Variants in ADARB2 observed in about 807,000 individuals in gnomAD.
ADARB2 encodes the protein inactive double-stranded RNA-specific editase B2.
A neutral mutation model predicts 62.2 loss-of-function variants in ADARB2; 25 were observed. That is an observed-to-expected ratio of 0.40 (90% CI 0.29 to 0.56). ADARB2 has a LOEUF of 0.56. Ranked by LOEUF, ADARB2 falls within the 20% of genes least tolerant of loss-of-function variation. The pLI is 0.43. For missense variants in ADARB2, 1,071 were observed against 1,077.4 expected (o/e 0.99, Z 0.08); for synonymous variants, 572 against 500.8 (o/e 1.14, Z -1.90).
chr10:1,448,904 A>T (rs1356644675), intron 1 of ADARB2, among the ~76,000 whole-genome samples: 2 of 152,064 alleles, frequency 1.3e-5, no homozygotes, highest in African/African-American at 2.4e-5. Context: ...CATGACTGAC[A>T]TCTCAGGGGT....
Position 1,183,246 on chromosome 10 carries a change from C to T in ADARB2, c.2167G>A (p.Gly723Ser), listed in dbSNP as rs1333793566. The T allele has an allele frequency of 1.2e-6, 2 of 1,613,876 alleles. No individual in the cohort carries two copies. The highest frequency in any genetic ancestry group is 3.3e-5 in the Admixed American group (2 of 60,010). The part of the protein sequence containing the change: ...LFKAFQKAGL[G>S]TWVRKPPEQQ... ...TCCGGTGGTTTCCTCACCCAGGTGC[C>T]CAGGCCAGCCTTCTGAAAGGCCTTG... The change falls in exon 10 of 10, where the codon GGC (glycine) becomes AGC (serine). Residue 723 changes from glycine (G) to serine (S), a missense_variant. Transcript: ENST00000381312.
intron 4 of ADARB2, among the ~76,000 whole-genome samples, chr10:1,261,399 A>G (rs1831134898): frequency 6.7e-6 from 1 of 148,190 alleles, no homozygotes; most frequent in South Asian, 2.1e-4. Context: ...TTCGCAACCT[A>G]CTCATCTGAC....
chr10:1,251,773 A>AGCCC (rs1230212952), intron 4 of ADARB2, among the ~76,000 whole-genome samples: 3 of 152,064 alleles, frequency 2.0e-5, no homozygotes, highest in African/African-American at 7.2e-5. Flanking sequence ...TCATGAATGG[A>AGCCC]TTAATACCCC....
At chr10:1,350,492 T>G (rs1416009075) in intron 3 of ADARB2, among the ~76,000 whole-genome samples, 1 of 152,156 alleles carries the variant, frequency 6.6e-6, no homozygotes, top group Non-Finnish European at 1.5e-5. Flanking sequence ...TGGTCTGACT[T>G]ACAGTTTCGT....
chr10:1,304,755 A>G (rs2131819459), intron 3 of ADARB2, among the ~76,000 whole-genome samples: 1 of 148,558 alleles, frequency 6.7e-6, no homozygotes, highest in Admixed American at 6.8e-5. Flanking sequence ...TGGAAACTGA[A>G]CAACCTGCTC....
chr10:1,244,672 C>T (rs766126533), intron 4 of ADARB2, among the ~76,000 whole-genome samples: 60 of 152,128 alleles, frequency 3.9e-4, no homozygotes, highest in Non-Finnish European at 6.2e-4. Context: ...CGGTCAGAAA[C>T]GGCTGCAGCA....
In ADARB2 at chr10:1,200,000, G is replaced by T. The variant is rs766957726; in HGVS notation, c.1830C>A (p.Pro610=). ...GAGGCCGGTTGTGCCGGTAGGAGGC[G>T]GGCAGCTGGCCGACACCCTCCATGC... ...SHRMEGVGQL[P]ASYRHNRPLL... The change falls in exon 8 of 10, where the codon CCC becomes CCA. Residue 610 remains proline, a synonymous_variant. Coordinates refer to ENST00000381312, the MANE Select transcript of ADARB2 (RefSeq NM_018702.4). 2 of 1,575,430 alleles carry T rather than the reference G, an allele frequency of 1.3e-6. No homozygotes were observed. The highest frequency in any genetic ancestry group is 1.3e-5 in the African/African-American group (1 of 74,474).
At chr10:1,730,014 T>C (rs1483741957) in intron 1 of ADARB2, among the ~76,000 whole-genome samples, 1 of 152,242 alleles carries the variant, frequency 6.6e-6, no homozygotes, top group Non-Finnish European at 1.5e-5. Context: ...GTTAAGGGGT[T>C]TAAAGGAATT....
At chr10:1,674,690 C>CGGA (rs1309193217) in intron 1 of ADARB2, among the ~76,000 whole-genome samples, 1 of 152,052 alleles carries the variant, frequency 6.6e-6, no homozygotes, top group East Asian at 1.9e-4. Context: ...TGACCGGTCC[C>CGGA]GGAGGTCACC....
chr10:1,433,362 C>T (rs1303291178), intron 1 of ADARB2, among the ~76,000 whole-genome samples: 4 of 152,110 alleles, frequency 2.6e-5, no homozygotes, highest in South Asian at 2.1e-4. Context: ...GTATGGTTTG[C>T]TCTGTGACTG....
chr10:1,380,944 C>T (rs1832477458), intron 1 of ADARB2, among the ~76,000 whole-genome samples: 1 of 152,164 alleles, frequency 6.6e-6, no homozygotes, highest in African/African-American at 2.4e-5. Context: ...CAGCCAAACA[C>T]TCACAAAAAT....
At chr10:1,534,021 T>G (rs1291947676) in intron 1 of ADARB2, among the ~76,000 whole-genome samples, 2 of 151,430 alleles carry the variant, frequency 1.3e-5, no homozygotes, top group African/African-American at 2.4e-5. Flanking sequence ...TTTTGATGAC[T>G]TTGATGGGGG....
At chr10:1,217,205 A>G in intron 6 of ADARB2, 86 bp from the exon 7 acceptor site, 1 of 1,308,024 alleles carries the variant, frequency 7.6e-7, no homozygotes, top group South Asian at 1.5e-5. Flanking sequence ...ACTGCAACAG[A>G]GGTCAAAGGG....
chr10:1,183,351 T>C lies in ADARB2; in HGVS notation c.2062A>G (p.Ser688Gly), dbSNP rs781768263. 6.2e-7 allele frequency: 1 copy of C among 1,613,308 alleles called. No individual in the cohort carries two copies. Among genetic ancestry groups the C allele is most frequent in the Non-Finnish European group, 8.5e-7 (1 of 1,179,312 alleles). ...LYGRLSTRTPSPGDTPSMYCE... is the reference protein window; with the variant it reads ...LYGRLSTRTPGPGDTPSMYCE... ...TACATGGAGGGCGTGTCTCCAGGGC[T>C]GGGTGTCCGTGTGCTCAGCTGCGGA... The change falls in exon 10 of 10, where the codon AGC becomes GGC. Residue 688 changes from serine (S) to glycine (G), a missense_variant. Coordinates refer to ENST00000381312, the MANE Select transcript of ADARB2 (RefSeq NM_018702.4).
At chr10:1,356,607 C>G (rs1832198309) in intron 3 of ADARB2, among the ~76,000 whole-genome samples, 1 of 152,192 alleles carries the variant, frequency 6.6e-6, no homozygotes, top group Non-Finnish European at 1.5e-5. Flanking sequence ...TGCTGGCCTT[C>G]CAGGGAAGCC....
At chr10:1,362,123 G>A (rs1254136980) in intron 3 of ADARB2, among the ~76,000 whole-genome samples, 1 of 152,236 alleles carries the variant, frequency 6.6e-6, no homozygotes. Context: ...TAAGGCCGGT[G>A]CACACTGACT....
intron 1 of ADARB2, among the ~76,000 whole-genome samples, chr10:1,670,896 A>G (rs1834376049): frequency 6.6e-6 from 1 of 152,176 alleles, no homozygotes; most frequent in Non-Finnish European, 1.5e-5. Flanking sequence ...GGGAACTCAG[A>G]CGTCTGGAAG....
intron 1 of ADARB2, among the ~76,000 whole-genome samples, chr10:1,590,275 T>A (rs762093185): frequency 2.0e-5 from 3 of 152,348 alleles, no homozygotes; most frequent in Non-Finnish European, 2.9e-5. Context: ...TTGGCCAGAC[T>A]GGGATCAGCT....
chr10:1,375,828 C>T (rs1466737464), intron 2 of ADARB2, among the ~76,000 whole-genome samples: 3 of 126,804 alleles, frequency 2.4e-5, no homozygotes, highest in Non-Finnish European at 3.5e-5. Context: ...CACACACACA[C>T]GTGCACACAC....
Sources: gnomAD v4.1 joint callset for allele counts (sites outside exome capture counted in the v4.1 genomes callset) on GRCh38, gnomAD v4.1.1 for gene constraint, MANE v1.5 for transcripts, NCBI Gene and HGNC (gene_info 2026-07-23, HGNC 2026-07-21) for gene names.